The following FRMPD4 variants were observed in gnomAD, a reference collection of about 807,000 sequenced individuals.
FRMPD4 encodes the protein FERM and PDZ domain containing 4, also known as FERM and PDZ domain-containing protein 4.
In FRMPD4, 22 loss-of-function variants were observed where a neutral mutation model predicts 94.1. The ratio of observed to expected loss-of-function variants is 0.23; its 90% confidence interval spans 0.17 to 0.33. The LOEUF (loss-of-function observed/expected upper bound fraction) is 0.33. Among genes scored for constraint, FRMPD4 ranks in the 10% least tolerant of loss-of-function variants. FRMPD4 has a pLI of 1.00. For missense variants in FRMPD4, 1,111 were observed against 1,339.9 expected (o/e 0.83, Z 2.67); for synonymous variants, 631 against 548.6 (o/e 1.15, Z -2.10).
intron 1 of FRMPD4, among the ~76,000 whole-genome samples, chrX:12,281,515 C>T (rs970003916): frequency 1.5e-4 from 17 of 110,188 alleles, no homozygotes; most frequent in African/African-American, 5.6e-4. Flanking sequence ...GCTGGGTTTA[C>T]AGGTGTGTGC....
chrX:12,583,331 G>A, intron 2 of FRMPD4: 1 of 496,764 alleles, frequency 2.0e-6, no homozygotes, highest in Non-Finnish European at 3.4e-6. Context: ...AGAATATTTT[G>A]TCTTTTGGGG....
In FRMPD4 at chrX:12,331,700, A is replaced by AT. The variant is rs1166900766; in HGVS notation, c.42-166979dup. Among the ~76,000 whole-genome samples, 18 of 64,266 alleles carry AT rather than the reference A, an allele frequency of 2.8e-4. 1 individual carries two copies. Among genetic ancestry groups the AT allele is most frequent in the East Asian group, 1.7e-3 (4 of 2,350 alleles). The allele number at this position is 64,266 out of a possible 115,157, so 55.8% of individuals were successfully genotyped here. On this transcript the variant is annotated intron_variant, in intron 1 of 16. Coordinates refer to ENST00000675598, the MANE Select transcript of FRMPD4 (RefSeq NM_001368397.1). ...AATTATATATTTATATAATATATAAATATATAATATATAATTTATATATAG... is the reference window on the plus strand; with the variant it reads ...AATTATATATTTATATAATATATAAATTATATAATATATAATTTATATATAG...
intron 1 of FRMPD4, among the ~76,000 whole-genome samples, chrX:12,432,318 T>C (rs781127305): frequency 7.1e-5 from 8 of 112,622 alleles, no homozygotes; most frequent in Non-Finnish European, 3.7e-5. Flanking sequence ...GTCTTAGTTA[T>C]CCATTGTCAT....
intron 1 of FRMPD4, among the ~76,000 whole-genome samples, chrX:12,223,805 G>A (rs1461744057): frequency 1.8e-5 from 2 of 112,097 alleles, no homozygotes; most frequent in Non-Finnish European, 3.8e-5. Context: ...GATGACTAAC[G>A]ATGATGAGCA....
intron 1 of FRMPD4, among the ~76,000 whole-genome samples, chrX:12,456,768 TTAGA>T (rs1332409813): frequency 8.8e-5 from 10 of 113,069 alleles, no homozygotes; most frequent in African/African-American, 2.2e-4. Context: ...AATAAAAAAA[TTAGA>T]TAGTATCTTC....
At chrX:12,610,116 A>G (rs1284114244) in intron 3 of FRMPD4, among the ~76,000 whole-genome samples, 1 of 112,273 alleles carries the variant, frequency 8.9e-6, no homozygotes, top group African/African-American at 3.2e-5. Context: ...ATCTATAACC[A>G]TGGAAATGAA....
chrX:11,856,435 C>G (rs770062753), intron 1 of FRMPD4, among the ~76,000 whole-genome samples: 1 of 111,649 alleles, frequency 9.0e-6, no homozygotes, highest in South Asian at 3.8e-4. Context: ...ATCATATAAA[C>G]AGGAATAAAG....
intron 1 of FRMPD4, among the ~76,000 whole-genome samples, chrX:12,214,290 C>G (rs2158003): frequency 0.46 from 50,502 of 110,017 alleles, 8,311 homozygotes; most frequent in Non-Finnish European, 0.51. Flanking sequence ...GTAAGATATT[C>G]TCTTGCCGTT....
chrX:11,948,134 T>C (rs2054200020), intron 3 of FRMPD4, among the ~76,000 whole-genome samples: 1 of 106,965 alleles, frequency 9.3e-6, no homozygotes, highest in Admixed American at 1.0e-4. Flanking sequence ...TGAAACTCTA[T>C]ATAAGAGAAG....
chrX:12,435,678 G>A (rs753634804), intron 1 of FRMPD4, among the ~76,000 whole-genome samples: 10 of 111,403 alleles, frequency 9.0e-5, no homozygotes, highest in Non-Finnish European at 1.7e-4. Context: ...ATTTGTCTTC[G>A]ATTTTGTTTT....
At chrX:12,271,866 G>A (rs1211472432) in intron 1 of FRMPD4, among the ~76,000 whole-genome samples, 1 of 111,853 alleles carries the variant, frequency 8.9e-6, no homozygotes, top group African/African-American at 3.3e-5. Context: ...CATGCATTAG[G>A]TCTGCAGTTG....
chrX:12,623,893 A>T (rs1053397515), intron 4 of FRMPD4, among the ~76,000 whole-genome samples: 13 of 112,153 alleles, frequency 1.2e-4, no homozygotes, highest in Non-Finnish European at 2.1e-4. Context: ...AACCAAGAAT[A>T]CTTAGCCAGG....
intron 3 of FRMPD4, among the ~76,000 whole-genome samples, chrX:12,092,538 A>G (rs192915010): frequency 1.3e-4 from 15 of 111,876 alleles, no homozygotes; most frequent in Non-Finnish European, 2.6e-4. Context: ...AGAGGTTGAA[A>G]AGAGAAAGAG....
intron 1 of FRMPD4, among the ~76,000 whole-genome samples, chrX:12,392,448 C>T (rs1454590951): frequency 1.9e-5 from 2 of 106,245 alleles, no homozygotes; most frequent in Non-Finnish European, 3.9e-5. Context: ...TTCAGGAGTT[C>T]GAGACCAGCC....
chrX:12,074,488 T>C, intron 3 of FRMPD4, among the ~76,000 whole-genome samples: 1 of 111,741 alleles, frequency 8.9e-6, no homozygotes, highest in South Asian at 3.8e-4. Context: ...GAGATCAGTG[T>C]CTTAATCTAA....
intron 3 of FRMPD4, among the ~76,000 whole-genome samples, chrX:12,099,772 A>G (rs1301842962): frequency 8.9e-6 from 1 of 112,555 alleles, no homozygotes; most frequent in Non-Finnish European, 1.9e-5. Flanking sequence ...GCCAATTAAC[A>G]CATCTCAACA....
chrX:12,601,034 A>G (rs1186774003), intron 2 of FRMPD4, among the ~76,000 whole-genome samples: 1 of 112,673 alleles, frequency 8.9e-6, no homozygotes, highest in Non-Finnish European at 1.9e-5. Flanking sequence ...TATTCTACCC[A>G]TTAAAAAGAA....
chrX:12,049,425 T>C (rs1297786079), intron 3 of FRMPD4, among the ~76,000 whole-genome samples: 1 of 111,490 alleles, frequency 9.0e-6, no homozygotes, highest in Non-Finnish European at 1.9e-5. Flanking sequence ...AGTCATATTA[T>C]CAGCAGAGAG....
intron 3 of FRMPD4, among the ~76,000 whole-genome samples, chrX:11,903,411 C>T (rs1029546923): frequency 8.9e-6 from 1 of 112,354 alleles, no homozygotes; most frequent in Non-Finnish European, 1.9e-5. Flanking sequence ...TGAGCCAGAA[C>T]CTCAAAATAT....
Sources: gnomAD v4.1 joint callset for allele counts (sites outside exome capture counted in the v4.1 genomes callset) on GRCh38, gnomAD v4.1.1 for gene constraint, MANE v1.5 for transcripts, NCBI Gene and HGNC (gene_info 2026-07-23, HGNC 2026-07-21) for gene names.